Variants in CLCN3 observed in about 807,000 individuals in gnomAD.
CLCN3 encodes the protein Cl-/H+ antiporter 3, also known as H(+)/Cl(-) exchange transporter 3.
A neutral mutation model predicts 83.4 loss-of-function variants in CLCN3; 16 were observed. The observed-to-expected ratio is 0.19, with a 90% confidence interval of 0.13 to 0.29. The LOEUF is 0.29. Ranked by LOEUF, CLCN3 falls within the 10% of genes least tolerant of loss-of-function variation. The probability of loss-of-function intolerance (pLI) is 1.00; values close to 1 mark genes in which losing one functional copy is unlikely to be tolerated. For missense variants in CLCN3, 544 were observed against 1,006.0 expected (o/e 0.54, Z 6.21); for synonymous variants, 322 against 346.2 (o/e 0.93, Z 0.78).
chr4:169,635,695 G>T (rs9996873), intron 1 of CLCN3, among the ~76,000 whole-genome samples: 111,252 of 151,914 alleles, frequency 0.73, 41,835 homozygotes, highest in Middle Eastern at 0.84. Context: ...AACAATTGGA[G>T]ATCTACCTGG....
chr4:169,626,291 G>A (rs1403185196), intron 1 of CLCN3, among the ~76,000 whole-genome samples: 4 of 152,240 alleles, frequency 2.6e-5, no homozygotes, highest in South Asian at 2.1e-4. Context: ...CCCATGGTGC[G>A]CCACCTTCCA....
At chr4:169,650,045 ACTGGACTCCATCCAGC>A (rs1730689584) in intron 2 of CLCN3, among the ~76,000 whole-genome samples, 1 of 152,074 alleles carries the variant, frequency 6.6e-6, no homozygotes, top group Admixed American at 6.5e-5. Flanking sequence ...TGATCATGCC[ACTGGACTCCATCCAGC>A]CTGGGTGACA....
At chr4:169,698,755 AAGT>A (rs1231683954) in intron 9 of CLCN3, among the ~76,000 whole-genome samples, 1 of 152,194 alleles carries the variant, frequency 6.6e-6, no homozygotes, top group African/African-American at 2.4e-5. Flanking sequence ...TGCAAATCAA[AAGT>A]CTGAAACGGA....
intron 2 of CLCN3, among the ~76,000 whole-genome samples, chr4:169,658,794 G>A (rs949002212): frequency 2.0e-5 from 3 of 152,024 alleles, no homozygotes; most frequent in Non-Finnish European, 2.9e-5. Flanking sequence ...GAATATTCCT[G>A]TGGCAGTAAT....
chr4:169,629,288 GTAT>G (rs1293595166), intron 1 of CLCN3, among the ~76,000 whole-genome samples: 2 of 151,104 alleles, frequency 1.3e-5, no homozygotes, highest in Non-Finnish European at 2.9e-5. Context: ...ATTTTTTTCT[GTAT>G]TATTTATTGT....
At chr4:169,652,751 T>C (rs937187233) in intron 2 of CLCN3, among the ~76,000 whole-genome samples, 2 of 152,246 alleles carry the variant, frequency 1.3e-5, no homozygotes, top group Non-Finnish European at 2.9e-5. Context: ...CATTGCTTCA[T>C]GTTCACTAAC....
At chr4:169,686,920 C>T (rs1732182805) in intron 3 of CLCN3, among the ~76,000 whole-genome samples, 1 of 152,154 alleles carries the variant, frequency 6.6e-6, no homozygotes, top group African/African-American at 2.4e-5. Flanking sequence ...ACACTTTTGC[C>T]TTACACAGTA....
At chr4:169,638,633 C>T (rs1177920755) in intron 2 of CLCN3, among the ~76,000 whole-genome samples, 2 of 151,996 alleles carry the variant, frequency 1.3e-5, no homozygotes, top group Admixed American at 6.6e-5. Context: ...AAATTAACTC[C>T]AGGAAGTAGA....
Position 169,707,197 on chromosome 4 carries a change from G to C in CLCN3, c.2080G>C (p.Val694Leu). ...INETSYNGFPVIMSKESQRLV... is the reference protein window; with the variant it reads ...INETSYNGFPLIMSKESQRLV... ...TGAAACCAGCTACAATGGATTTCCT[G>C]TCATAATGTCAAAAGAATCTCAGAG... Residue 694 changes from valine (V) to leucine (L), a missense_variant, in exon 11 of 13, where the codon GTC becomes CTC. This residue lies in a region of CLCN3 where 142 missense variants were observed against 225.0 expected (regional missense o/e 0.63). Transcript: ENST00000513761. 1 of 1,613,936 alleles carries C rather than the reference G, an allele frequency of 6.2e-7. No individual in the cohort carries two copies.
chr4:169,682,243 T>C (rs1268234393), intron 3 of CLCN3, among the ~76,000 whole-genome samples: 1 of 152,206 alleles, frequency 6.6e-6, no homozygotes, highest in Non-Finnish European at 1.5e-5. Flanking sequence ...ATTTTAAAAA[T>C]CACATTTGTT....
chr4:169,660,499 G>T (rs537683697), intron 2 of CLCN3: 5 of 1,238,384 alleles, frequency 4.0e-6, no homozygotes, highest in Non-Finnish European at 5.1e-6. Flanking sequence ...TTTGCATGCG[G>T]CTGGGCGGTC....
intron 1 of CLCN3, among the ~76,000 whole-genome samples, chr4:169,631,790 T>C (rs2150199593): frequency 6.6e-6 from 1 of 152,274 alleles, no homozygotes; most frequent in East Asian, 1.9e-4. Context: ...GAGACTATTA[T>C]GAACACATCT....
At chr4:169,644,293 T>C (rs1302220616) in intron 2 of CLCN3, among the ~76,000 whole-genome samples, 1 of 147,202 alleles carries the variant, frequency 6.8e-6, no homozygotes, top group Non-Finnish European at 1.5e-5. Context: ...TGAGATGGAG[T>C]CTCCCTCTGT....
At chr4:169,694,345 A>G (rs1732486067) in intron 7 of CLCN3, among the ~76,000 whole-genome samples, 1 of 152,216 alleles carries the variant, frequency 6.6e-6, no homozygotes, top group Admixed American at 6.5e-5. Flanking sequence ...AGGTTAGGTT[A>G]TCTACCCATA....
intron 11 of CLCN3, among the ~76,000 whole-genome samples, chr4:169,708,247 T>TG (rs71590027): frequency 6.6e-6 from 1 of 152,078 alleles, no homozygotes; most frequent in Non-Finnish European, 1.5e-5. Flanking sequence ...ACAGTGTATG[T>TG]GGGGGAGTGT....
intron 3 of CLCN3, chr4:169,680,488 TGGG>T (rs549175275): frequency 7.1e-4 from 187 of 262,276 alleles, no homozygotes; most frequent in Non-Finnish European, 1.2e-3. Flanking sequence ...GCACAGGAGT[TGGG>T]GGGAAGAACA....
chr4:169,701,065 G>C lies in CLCN3; in HGVS notation c.1564-2933G>C, dbSNP rs542745751. Among the ~76,000 whole-genome samples the C allele has an allele frequency of 6.6e-5, 10 of 152,314 alleles. No homozygotes were observed. In the South Asian group the frequency reaches 1.9e-3, roughly 28 times the overall value. On this transcript the variant is annotated intron_variant, in intron 9 of 12. Transcript: ENST00000513761. The stretch of plus-strand genomic sequence containing the variant: ...TTCTCTGTAGCATGTGATGCTGTTT[G>C]ATACCATTTTACCTACAGTAGACCT...
chr4:169,655,671 A>AT (rs924150582), intron 2 of CLCN3, among the ~76,000 whole-genome samples: 1 of 151,954 alleles, frequency 6.6e-6, no homozygotes, highest in Non-Finnish European at 1.5e-5. Context: ...ATTTTTATAA[A>AT]TTTTTTGTAG....
intron 2 of CLCN3, among the ~76,000 whole-genome samples, chr4:169,636,406 A>T (rs2150202630): frequency 6.6e-6 from 1 of 152,316 alleles, no homozygotes; most frequent in East Asian, 1.9e-4. Flanking sequence ...AAATTGATGA[A>T]TTCCTACAAA....
Sources: allele counts gnomAD v4.1 joint callset (sites outside exome capture counted in the v4.1 genomes callset), GRCh38; gene constraint gnomAD v4.1.1; regional missense constraint gnomAD v4.1.1; transcripts MANE v1.5; gene names NCBI Gene and HGNC (gene_info 2026-07-23, HGNC 2026-07-21).